CDH12: variants seen among roughly 807,000 people sequenced by gnomAD.
CDH12 encodes the protein cadherin-12.
In CDH12, 41 loss-of-function variants were observed where a neutral mutation model predicts 74.1. That is an observed-to-expected ratio of 0.55 (90% confidence interval 0.43 to 0.72). The LOEUF (loss-of-function observed/expected upper bound fraction) is 0.72. Ranked by LOEUF, CDH12 falls within the 30% of genes least tolerant of loss-of-function variation. The pLI, the probability that CDH12 is intolerant of heterozygous loss-of-function variation, is 0.00. For missense variants in CDH12, 945 were observed against 977.2 expected, an observed-to-expected ratio of 0.97 and a Z score of 0.44; for synonymous variants, 399 against 355.0, an observed-to-expected ratio of 1.12 and a Z score of -1.39.
chr5:21,804,451 C>T (rs147986090), intron 9 of CDH12, among the ~76,000 whole-genome samples: 1,702 of 152,190 alleles, frequency 0.011, 38 homozygotes, highest in African/African-American at 0.039. Flanking sequence ...GAAACCACTA[C>T]AATTACTGCC....
rs530705248 is a variant in CDH12 at position 22,282,141 on chromosome 5, T to C, written c.-332-69498A>G. Among the ~76,000 whole-genome samples the C allele has an allele frequency of 3.9e-5, 6 of 152,142 alleles. No homozygotes were observed. In the East Asian group the frequency reaches 1.2e-3, roughly 29 times the overall value. ...TGACAAACTTGACAAAAACAAGCAA[T>C]GGGGAAAGGATTCTTTAATAAATGG... On this transcript the variant is annotated intron_variant, in intron 3 of 14. Coordinates refer to ENST00000382254, the MANE Select transcript of CDH12 (RefSeq NM_004061.5).
intron 6 of CDH12, among the ~76,000 whole-genome samples, chr5:21,927,656 G>A (rs112213350): frequency 0.048 from 7,350 of 152,054 alleles, 236 homozygotes; most frequent in Middle Eastern, 0.085. Flanking sequence ...GTGGGGGAAG[G>A]AGTAAATTAT....
intron 1 of CDH12, among the ~76,000 whole-genome samples, chr5:22,847,836 C>T (rs773076835): frequency 1.1e-4 from 16 of 151,910 alleles, no homozygotes; most frequent in Non-Finnish European, 7.4e-5. Flanking sequence ...CATTTAATTC[C>T]CTTTTACTGT....
intron 1 of CDH12, among the ~76,000 whole-genome samples, chr5:22,781,473 G>T (rs1747380224): frequency 6.6e-6 from 1 of 151,982 alleles, no homozygotes; most frequent in African/African-American, 2.4e-5. Context: ...CAGTTACTAA[G>T]CCAACAACCC....
intron 5 of CDH12, among the ~76,000 whole-genome samples, chr5:21,984,433 C>G (rs1401479353): frequency 1.3e-5 from 2 of 152,042 alleles, no homozygotes; most frequent in Non-Finnish European, 2.9e-5. Context: ...AATTTTATGC[C>G]TTTTCTTTGG....
chr5:22,714,431 G>A (rs913831259), intron 1 of CDH12, among the ~76,000 whole-genome samples: 3 of 152,102 alleles, frequency 2.0e-5, no homozygotes, highest in African/African-American at 4.8e-5. Flanking sequence ...CTCTTTCAGC[G>A]ATTACTGGCC....
intron 2 of CDH12, among the ~76,000 whole-genome samples, chr5:22,407,638 C>T (rs924484698): frequency 3.3e-5 from 5 of 152,070 alleles, no homozygotes. Flanking sequence ...TACCTGTCAT[C>T]ATCTTTCACC....
At chr5:22,096,704 C>T (rs1743803122) in intron 4 of CDH12, among the ~76,000 whole-genome samples, 1 of 152,078 alleles carries the variant, frequency 6.6e-6, no homozygotes, top group African/African-American at 2.4e-5. Context: ...CCTACCTCTC[C>T]CAGATCAGTT....
chr5:21,802,864 T>A (rs1311128606), intron 9 of CDH12, among the ~76,000 whole-genome samples: 1 of 152,110 alleles, frequency 6.6e-6, no homozygotes, highest in Admixed American at 6.5e-5. Context: ...AGGACTGGGA[T>A]TACAGAAGCA....
intron 1 of CDH12, among the ~76,000 whole-genome samples, chr5:22,806,671 A>C (rs532630727): frequency 1.4e-4 from 21 of 151,918 alleles, no homozygotes; most frequent in African/African-American, 5.1e-4. Flanking sequence ...TGCCATTCTA[A>C]CTGGTGTGAG....
At chr5:22,321,047 G>T (rs1406061570) in intron 3 of CDH12, among the ~76,000 whole-genome samples, 1 of 152,112 alleles carries the variant, frequency 6.6e-6, no homozygotes, top group Non-Finnish European at 1.5e-5. Flanking sequence ...TAAAGGTTCA[G>T]ATCAAAATAA....
chr5:22,839,965 G>A (rs1737009593), intron 1 of CDH12, among the ~76,000 whole-genome samples: 1 of 152,100 alleles, frequency 6.6e-6, no homozygotes, highest in South Asian at 2.1e-4. Flanking sequence ...TGTCAAGTGC[G>A]ATTGAAACCA....
At chr5:21,855,208 G>T (rs1341604343) in intron 6 of CDH12, among the ~76,000 whole-genome samples, 1 of 151,714 alleles carries the variant, frequency 6.6e-6, no homozygotes, top group Non-Finnish European at 1.5e-5. Context: ...TAAGTAATTT[G>T]CAATTGCAAT....
chr5:21,788,984 A>G (rs1746347117), intron 10 of CDH12, among the ~76,000 whole-genome samples: 2 of 151,690 alleles, frequency 1.3e-5, no homozygotes, highest in Admixed American at 6.6e-5. Flanking sequence ...TTCTTTTACA[A>G]TAAGTGGATA....
intron 3 of CDH12, among the ~76,000 whole-genome samples, chr5:22,291,021 T>C (rs530303632): frequency 8.5e-5 from 13 of 152,250 alleles, no homozygotes; most frequent in African/African-American, 2.9e-4. Flanking sequence ...TAATTTATGA[T>C]GATCACGTGG....
intron 6 of CDH12, among the ~76,000 whole-genome samples, chr5:21,858,308 A>T (rs1048086590): frequency 1.3e-5 from 2 of 151,908 alleles, no homozygotes; most frequent in Non-Finnish European, 1.5e-5. Context: ...GATCTCAGTA[A>T]TTCGCAAGCA....
intron 4 of CDH12, among the ~76,000 whole-genome samples, chr5:22,117,501 A>AT (rs1745229676): frequency 5.6e-5 from 4 of 70,866 alleles, no homozygotes; most frequent in African/African-American, 2.6e-4. Context: ...ATATATATAT[A>AT]ATATATATAT....
chr5:22,817,086 G>A (rs772691782), intron 1 of CDH12, among the ~76,000 whole-genome samples: 17 of 152,006 alleles, frequency 1.1e-4, no homozygotes, highest in Admixed American at 2.6e-4. Flanking sequence ...TCTAGATAAC[G>A]AAAATGCTAT....
At chr5:22,479,710 G>A (rs1746308488) in intron 2 of CDH12, among the ~76,000 whole-genome samples, 1 of 152,130 alleles carries the variant, frequency 6.6e-6, no homozygotes, top group African/African-American at 2.4e-5. Flanking sequence ...GAAATTCAAA[G>A]TCACATTTCA....
Sources: allele counts gnomAD v4.1 joint callset (sites outside exome capture counted in the v4.1 genomes callset), GRCh38; gene constraint gnomAD v4.1.1; transcripts MANE v1.5; gene names NCBI Gene and HGNC (gene_info 2026-07-23, HGNC 2026-07-21).